SPRED1: variants seen among roughly 807,000 people sequenced by gnomAD.
SPRED1 encodes sprouty-related, EVH1 domain-containing protein 1.
A neutral mutation model predicts 52.3 loss-of-function variants in SPRED1; 18 were observed. That is an observed-to-expected ratio of 0.34 (90% CI 0.24 to 0.51). The LOEUF (loss-of-function observed/expected upper bound fraction) is 0.51. SPRED1 is among the 20% of genes least tolerant of loss of function. SPRED1 has a pLI of 0.97. For missense variants in SPRED1, 485 were observed against 551.0 expected, an observed-to-expected ratio of 0.88 and a Z score of 1.20; for synonymous variants, 155 against 179.7, an observed-to-expected ratio of 0.86 and a Z score of 1.10.
chr15:38,261,493 G>T (rs1894203642), intron 1 of SPRED1, among the ~76,000 whole-genome samples: 2 of 152,328 alleles, frequency 1.3e-5, no homozygotes, highest in African/African-American at 4.8e-5. Context: ...TTAAATTTCA[G>T]CCTAATATCA....
At chr15:38,279,678 A>G (rs889832264) in intron 1 of SPRED1, among the ~76,000 whole-genome samples, 7 of 152,236 alleles carry the variant, frequency 4.6e-5, no homozygotes, top group African/African-American at 1.2e-4. Flanking sequence ...TCAGGATTAA[A>G]TATAATCCTT....
chr15:38,348,401 T>C (rs1424906696), intron 5 of SPRED1, among the ~76,000 whole-genome samples: 5 of 148,912 alleles, frequency 3.4e-5, no homozygotes, highest in Admixed American at 6.6e-5. Flanking sequence ...GTACAAAGGG[T>C]CCTATTTTAA....
At chr15:38,336,426 A>ATGTGTATGTGTGTGTG (rs1298349053) in intron 4 of SPRED1, among the ~76,000 whole-genome samples, 1 of 138,474 alleles carries the variant, frequency 7.2e-6, no homozygotes, top group South Asian at 2.2e-4. Context: ...GTGTGTGTAT[A>ATGTGTATGTGTGTGTG]TATATATATA....
chr15:38,294,983 T>C (rs1271813501), intron 1 of SPRED1, among the ~76,000 whole-genome samples: 1 of 152,198 alleles, frequency 6.6e-6, no homozygotes, highest in Non-Finnish European at 1.5e-5. Context: ...TTGCTACAGA[T>C]TTATTGGCTC....
At chr15:38,270,395 A>T (rs1894405388) in intron 1 of SPRED1, among the ~76,000 whole-genome samples, 1 of 152,246 alleles carries the variant, frequency 6.6e-6, no homozygotes, top group South Asian at 2.1e-4. Context: ...TGTTTCACAG[A>T]CATGGCATTT....
At chr15:38,290,630 A>G (rs186804700) in intron 1 of SPRED1, among the ~76,000 whole-genome samples, 2 of 152,302 alleles carry the variant, frequency 1.3e-5, no homozygotes, top group African/African-American at 4.8e-5. Context: ...GAGGCCTCAG[A>G]GTCATGGCGG....
chr15:38,278,825 A>C (rs1260359045), intron 1 of SPRED1, among the ~76,000 whole-genome samples: 13 of 41,922 alleles, frequency 3.1e-4, no homozygotes, highest in Admixed American at 5.7e-4. Context: ...ACCTAACTAC[A>C]CTGTTTTTTT....
intron 1 of SPRED1, among the ~76,000 whole-genome samples, chr15:38,291,082 G>C (rs1719626914): frequency 1.3e-5 from 2 of 152,148 alleles, no homozygotes; most frequent in East Asian, 1.9e-4. Flanking sequence ...AGATACAATG[G>C]AGATACAGGT....
At chr15:38,338,278 T>C (rs1172646123) in intron 4 of SPRED1, among the ~76,000 whole-genome samples, 2 of 132,890 alleles carry the variant, frequency 1.5e-5, no homozygotes, top group Non-Finnish European at 3.1e-5. Flanking sequence ...CTTAGGTCTT[T>C]TCTCACCCAT....
intron 2 of SPRED1, among the ~76,000 whole-genome samples, chr15:38,314,471 C>A (rs1268323014): frequency 6.6e-6 from 1 of 151,882 alleles, no homozygotes; most frequent in Non-Finnish European, 1.5e-5. Flanking sequence ...AAGTTTAATT[C>A]CAGCTGAACA....
chr15:38,299,644 A>G (rs1895114241), intron 2 of SPRED1, 97 bp downstream of exon 2: 1 of 1,212,690 alleles, frequency 8.2e-7, no homozygotes, highest in East Asian at 2.5e-5. Context: ...TCACCTGTGA[A>G]TCAGTAATTA....
intron 4 of SPRED1, 44 bp from the exon 5 acceptor site, chr15:38,339,693 G>T: frequency 6.3e-7 from 1 of 1,597,934 alleles, no homozygotes; most frequent in Non-Finnish European, 8.6e-7. Context: ...GGTGGTGGTG[G>T]TTTTTATTCT....
At chr15:38,305,575 G>A (rs117047058) in intron 2 of SPRED1, among the ~76,000 whole-genome samples, 111 of 152,104 alleles carry the variant, frequency 7.3e-4, no homozygotes, top group African/African-American at 2.5e-3. Flanking sequence ...GGGAAAAAAC[G>A]TAGGAAAAGG....
At chr15:38,299,583 T>A in intron 2 of SPRED1, 36 bp downstream of exon 2, 1 of 1,581,142 alleles carries the variant, frequency 6.3e-7, no homozygotes, top group Non-Finnish European at 8.7e-7. Flanking sequence ...TAATTTTAGA[T>A]AATGAATTAT....
chr15:38,336,380 ATGTGTGTGTG>A (rs35912838), intron 4 of SPRED1, among the ~76,000 whole-genome samples: 28 of 134,316 alleles, frequency 2.1e-4, no homozygotes, highest in Admixed American at 2.4e-4. Context: ...GATAAAGAAA[ATGTGTGTGTG>A]TGTGTGTGTG....
chr15:38,343,904 T>C (rs961875103), intron 5 of SPRED1, among the ~76,000 whole-genome samples: 2 of 152,124 alleles, frequency 1.3e-5, no homozygotes, highest in Non-Finnish European at 2.9e-5. Flanking sequence ...ATGTATGTTA[T>C]CCAAATTTAT....
chr15:38,277,109 C>A (rs1595720330), intron 1 of SPRED1, among the ~76,000 whole-genome samples: 1 of 152,168 alleles, frequency 6.6e-6, no homozygotes. Flanking sequence ...ATTAAAATTT[C>A]TTGTGTCAGT....
At chr15:38,257,291 C>A (rs1483440534) in intron 1 of SPRED1, among the ~76,000 whole-genome samples, 1 of 152,120 alleles carries the variant, frequency 6.6e-6, no homozygotes, top group East Asian at 1.9e-4. Flanking sequence ...GTATGCCTAG[C>A]ACAGTGCTTG....
At chr15:38,348,034 G>A (rs948203463) in intron 5 of SPRED1, among the ~76,000 whole-genome samples, 3 of 152,010 alleles carry the variant, frequency 2.0e-5, no homozygotes, top group African/African-American at 7.2e-5. Context: ...ATGTGTTTAA[G>A]TGGTGTGTGT....
Sources: gnomAD v4.1 joint callset for allele counts (sites outside exome capture counted in the v4.1 genomes callset) on GRCh38, gnomAD v4.1.1 for gene constraint, MANE v1.5 for transcripts, NCBI Gene and HGNC (gene_info 2026-07-23, HGNC 2026-07-21) for gene names.